PODN: variants seen among roughly 807,000 people sequenced by gnomAD.
PODN encodes podocan.
A neutral mutation model predicts 52.7 loss-of-function variants in PODN; 40 were observed. The ratio of observed to expected loss-of-function variants is 0.76; its 90% CI spans 0.59 to 0.99. The LOEUF (loss-of-function observed/expected upper bound fraction) is 0.99, where lower values mean the gene tolerates loss of function less well. PODN is among the 50% of genes least tolerant of loss of function. The pLI is 0.00. For synonymous variants in PODN, 396 were observed against 377.9 expected, an observed-to-expected ratio of 1.05 and a Z score of -0.56; for missense variants, 720 against 815.1, an observed-to-expected ratio of 0.88 and a Z score of 1.42.
At chr1:53,066,910 A>G in intron 1 of PODN, 1 of 1,526,226 alleles carries the variant, frequency 6.6e-7, no homozygotes, top group Non-Finnish European at 8.9e-7. Context: ...CTTCCCCTGG[A>G]TTCTTCTCCT....
In PODN at chr1:53,078,689, A is replaced by C. The variant is rs1236986663; in HGVS notation, c.1179A>C (p.Thr393=). The change falls in exon 8 of 11, where the codon ACA becomes ACC. Residue 393 remains threonine (T), a synonymous_variant. Transcript: ENST00000312553. ...RTLMILHNQI[T]GIGREDFATT... ...TCATGATCCTGCACAACCAGATCAC[A>C]GGCATTGGCCGCGAAGACTTTGCCA... 2 of 1,613,362 alleles carry C rather than the reference A, an allele frequency of 1.2e-6. No homozygotes were observed. Among genetic ancestry groups the C allele is most frequent in the Admixed American group, 1.7e-5 (1 of 60,030 alleles).
Position 53,077,307 on chromosome 1 carries a change from C to T in PODN, c.699C>T (p.Pro233=), listed in dbSNP as rs975837197. The T allele has an allele frequency of 8.1e-6, 13 of 1,613,224 alleles. No homozygotes were observed. Among genetic ancestry groups the T allele is most frequent in the Non-Finnish European group, 1.1e-5 (13 of 1,180,018 alleles). The change falls in exon 6 of 11, where the codon CCC becomes CCT. Residue 233 remains proline, a synonymous_variant. Coordinates refer to ENST00000312553, the MANE Select transcript of PODN (RefSeq NM_153703.5). ...ILSSNFLRHV[P]KHLPPALYKL... ...CCAGCAACTTCCTGCGCCACGTGCC[C>T]AAGCACCTGCCGCCTGCCCTGTACA... is the stretch of plus-strand genomic sequence containing the variant.
intron 10 of PODN, 50 bp downstream of exon 10, chr1:53,082,238 C>G (rs1318013826): frequency 1.0e-5 from 15 of 1,428,840 alleles, no homozygotes; most frequent in Non-Finnish European, 1.4e-5. Flanking sequence ...TGCATTTTCC[C>G]CTTCCTGACC....
chr1:53,076,768 T>C (rs1644200337), intron 5 of PODN, among the ~76,000 whole-genome samples: 1 of 152,182 alleles, frequency 6.6e-6, no homozygotes, highest in Admixed American at 6.5e-5. Context: ...GGCCCTGTGC[T>C]GGCACTAGGG....
intron 1 of PODN, among the ~76,000 whole-genome samples, chr1:53,063,876 C>T (rs920944456): frequency 6.6e-6 from 1 of 152,134 alleles, no homozygotes; most frequent in Non-Finnish European, 1.5e-5. Context: ...ACTAGCATGG[C>T]GGTGGAGGCC....
chr1:53,069,750 G>A (rs1644083755), intron 1 of PODN, 51 bp from the exon 2 acceptor site: 1 of 1,520,900 alleles, frequency 6.6e-7, no homozygotes, highest in Non-Finnish European at 8.8e-7. Context: ...TGCTCGGGAG[G>A]GCCCCGTCAT....
Position 53,074,587 on chromosome 1 carries a change from C to G in PODN, c.407-19C>G, listed in dbSNP as rs376240299. 3 of 1,613,730 alleles carry G rather than the reference C, an allele frequency of 1.9e-6. No individual in the cohort carries two copies. Among genetic ancestry groups the G allele is most frequent in the Non-Finnish European group, 2.5e-6 (3 of 1,179,898 alleles). ...CGTCTCCTCCATCCAGGGCTCTGACCGATGCCTGTCCTTTGAAGGGCTCCC... is the reference window on the plus strand; with the variant it reads ...CGTCTCCTCCATCCAGGGCTCTGACGGATGCCTGTCCTTTGAAGGGCTCCC... On this transcript the variant is annotated intron_variant, in intron 3 of 10. Transcript: ENST00000312553.
rs370908533 is a variant in PODN, at chr1:53,077,046, C to A, written c.582-144C>A. ...TCCTTGGTTCTGTCAGCTGTGTAGG[C>A]AACATCTGAGGTGCTTCTAACTCTG... is the stretch of plus-strand genomic sequence containing the variant. On this transcript the variant is annotated intron_variant, in intron 5 of 10. Coordinates refer to ENST00000312553, the MANE Select transcript of PODN (RefSeq NM_153703.5). The A allele has an allele frequency of 3.0e-6, 3 of 999,740 alleles. No individual in the cohort carries two copies. In the Admixed American group the frequency reaches 7.6e-5, roughly 25 times the overall value. The allele number at this position is 999,740 out of a possible 1,614,324, so 61.9% of individuals were successfully genotyped here. A position where few individuals can be genotyped will look rare whatever the true frequency, so the allele number is the denominator to read the frequency against.
intron 10 of PODN, among the ~76,000 whole-genome samples, chr1:53,084,065 G>A (rs1259083682): frequency 6.6e-6 from 1 of 152,092 alleles, no homozygotes; most frequent in Admixed American, 6.5e-5. Flanking sequence ...TTGGGTATCC[G>A]CAAGTGTGGA....
At chr1:53,069,464 G>A (rs537686752) in intron 1 of PODN, among the ~76,000 whole-genome samples, 3 of 152,332 alleles carry the variant, frequency 2.0e-5, no homozygotes, top group Admixed American at 6.5e-5. Context: ...GGAGGAGGCA[G>A]GGGGTCTTCC....
intron 1 of PODN, chr1:53,063,651 C>T: frequency 1.2e-6 from 1 of 861,078 alleles, no homozygotes; most frequent in Non-Finnish European, 1.4e-6. Flanking sequence ...ACTCTTAGGG[C>T]CCAAGACCCA....
intron 5 of PODN, among the ~76,000 whole-genome samples, chr1:53,076,977 G>A (rs575904777): frequency 5.7e-4 from 86 of 152,206 alleles, no homozygotes; most frequent in Admixed American, 1.2e-3. Flanking sequence ...TATTTCTCCC[G>A]CTAGCTTATG....
intron 1 of PODN, among the ~76,000 whole-genome samples, chr1:53,069,191 T>C (rs1197902647): frequency 6.6e-6 from 1 of 152,210 alleles, no homozygotes; most frequent in Non-Finnish European, 1.5e-5. Flanking sequence ...CTGCTCCCCC[T>C]CTTCCCATGT....
rs947571643 is a variant in PODN, at chr1:53,078,914, A to C, written c.1404A>C (p.Arg468=). The C allele has an allele frequency of 1.9e-6, 3 of 1,603,840 alleles. No individual in the cohort carries two copies. Among genetic ancestry groups the C allele is most frequent in the Non-Finnish European group, 2.6e-6 (3 of 1,175,620 alleles). The change falls in exon 8 of 11, where the codon CGA becomes CGC. Residue 468 remains arginine, a synonymous_variant. Coordinates refer to ENST00000312553, the MANE Select transcript of PODN (RefSeq NM_153703.5). The part of the protein sequence containing the change: ...VKRNELAALA[R]GALVGMAQLR... ...GCAATGAGCTGGCTGCCTTGGCACG[A>C]GGGGCGCTGGTGGGCATGGCTCAGC...
intron 1 of PODN, chr1:53,066,979 G>A (rs757360851): frequency 2.2e-5 from 25 of 1,124,800 alleles, no homozygotes; most frequent in Non-Finnish European, 3.2e-5. Flanking sequence ...CTCGCTCTTA[G>A]AACCCCGGAC....
At chr1:53,067,915 T>TAAAAA (rs71844234) in intron 1 of PODN, among the ~76,000 whole-genome samples, 6 of 96,342 alleles carry the variant, frequency 6.2e-5, no homozygotes, top group African/African-American at 1.6e-4. Context: ...GGCCTTGTCT[T>TAAAAA]AAAAAAAAAA....
chr1:53,076,079 C>T lies in PODN; in HGVS notation c.581+108C>T, dbSNP rs895347584. On this transcript the variant is annotated intron_variant, in intron 5 of 10. Transcript: ENST00000312553. Reference sequence around the variant, plus strand: ...GACAGGTCCCGAAGGAGGCCCTGCACTCAGGGCTGTGGTGGAGGGACACCC... The same window carrying T: ...GACAGGTCCCGAAGGAGGCCCTGCATTCAGGGCTGTGGTGGAGGGACACCC... The T allele has an allele frequency of 3.1e-6, 3 of 964,930 alleles. No individual in the cohort carries two copies. The African/African-American group carries it at 4.8e-5, about 16-fold the overall frequency. 59.8% of individuals were successfully genotyped at this position (964,930 alleles called of 1,614,324 possible).
At chr1:53,073,935 C>T (rs1185076544) in intron 3 of PODN, among the ~76,000 whole-genome samples, 2 of 152,228 alleles carry the variant, frequency 1.3e-5, no homozygotes, top group East Asian at 1.9e-4. Context: ...TTCTCTTAGC[C>T]GTCGGCTCAG....
Position 53,082,158 on chromosome 1 carries a change from A to G in PODN, c.1839A>G (p.Arg613=). 6.2e-7 allele frequency: 1 copy of G among 1,603,546 alleles called. No individual in the cohort carries two copies. Among genetic ancestry groups the G allele is most frequent in the Non-Finnish European group, 8.5e-7 (1 of 1,175,352 alleles). Reference sequence around the variant, plus strand: ...AGGAGGAGGAGGAAGAGGAAACAAGATAGTGACAAGGTGATGCAGATGTGA... The same window carrying G: ...AGGAGGAGGAGGAAGAGGAAACAAGGTAGTGACAAGGTGATGCAGATGTGA... ...EEEEEEEEET[R] Residue 613 remains arginine, a synonymous_variant, in exon 10 of 11, where the codon AGA becomes AGG. Transcript: ENST00000312553.
Sources: gnomAD v4.1 joint callset for allele counts (sites outside exome capture counted in the v4.1 genomes callset) on GRCh38, gnomAD v4.1.1 for gene constraint, MANE v1.5 for transcripts, NCBI Gene and HGNC (gene_info 2026-07-23, HGNC 2026-07-21) for gene names.